SCRN1: variants seen among roughly 807,000 people sequenced by gnomAD.
SCRN1 encodes secernin 1.
In SCRN1, 19 loss-of-function variants were observed where a neutral mutation model predicts 43.3. That is an observed-to-expected ratio of 0.44 (90% CI 0.31 to 0.64). The LOEUF is 0.64. SCRN1 is among the 30% of genes least tolerant of loss of function. The pLI is 0.09. For synonymous variants in SCRN1, 183 were observed against 188.9 expected (o/e 0.97, Z 0.26); for missense variants, 447 against 524.1 (o/e 0.85, Z 1.44).
chr7:29,939,640 C>T (rs1787464474), intron 5 of SCRN1, among the ~76,000 whole-genome samples: 2 of 152,156 alleles, frequency 1.3e-5, no homozygotes, highest in African/African-American at 4.8e-5. Flanking sequence ...TGGCTACAGT[C>T]CAATAAAATT....
In SCRN1 at chr7:29,943,958, A is replaced by G; in HGVS notation, c.544+19T>C. The G allele has an allele frequency of 6.2e-7, 1 of 1,613,188 alleles. No homozygotes were observed. The highest frequency in any genetic ancestry group is 8.5e-7 in the Non-Finnish European group (1 of 1,179,226). On this transcript the variant is annotated intron_variant, in intron 4 of 7. Coordinates refer to ENST00000242059, the MANE Select transcript of SCRN1 (RefSeq NM_014766.5). ...GCCTTCCCTGTCCTCAGAACTCTCC[A>G]TCATCCACACCCACTCACCTGTGAC... is the stretch of plus-strand genomic sequence containing the variant.
At chr7:29,928,172 C>T (rs964588672) in intron 6 of SCRN1, among the ~76,000 whole-genome samples, 3 of 152,108 alleles carry the variant, frequency 2.0e-5, no homozygotes, top group Non-Finnish European at 2.9e-5. Context: ...ATGCCATGAC[C>T]TGAAAAGGAC....
chr7:29,955,139 C>T (rs1251997202), intron 3 of SCRN1, 40 bp downstream of exon 3: 2 of 1,572,214 alleles, frequency 1.3e-6, no homozygotes, highest in African/African-American at 1.4e-5. Context: ...CATTTCCAAC[C>T]TTTTCTAGGA....
At chr7:29,958,655 C>A (rs1022821325) in intron 2 of SCRN1, among the ~76,000 whole-genome samples, 1 of 152,232 alleles carries the variant, frequency 6.6e-6, no homozygotes, top group Non-Finnish European at 1.5e-5. Context: ...AAAGATGGAT[C>A]TTTACAGAGA....
chr7:29,924,714 G>A (rs764446649), intron 7 of SCRN1, among the ~76,000 whole-genome samples: 8 of 151,404 alleles, frequency 5.3e-5, no homozygotes, highest in Non-Finnish European at 1.2e-4. Context: ...AATGTTCATT[G>A]AATGAAAAAA....
intron 6 of SCRN1, among the ~76,000 whole-genome samples, chr7:29,928,045 C>T (rs1358106286): frequency 6.6e-6 from 1 of 152,144 alleles, no homozygotes; most frequent in Admixed American, 6.5e-5. Context: ...GTCGCTGGAA[C>T]CCAGGAGGCA....
intron 2 of SCRN1, among the ~76,000 whole-genome samples, chr7:29,958,838 G>A (rs1386073191): frequency 1.3e-5 from 2 of 152,182 alleles, no homozygotes; most frequent in Admixed American, 6.5e-5. Context: ...GAGCTGGAGT[G>A]TGGGCAAGCA....
At chr7:29,958,667 G>A (rs561099313) in intron 2 of SCRN1, among the ~76,000 whole-genome samples, 14 of 152,214 alleles carry the variant, frequency 9.2e-5, no homozygotes, top group Non-Finnish European at 1.5e-4. Context: ...TTACAGAGAC[G>A]GTGCTGGTCT....
rs1466405324 is a variant in SCRN1, at chr7:29,920,645, C to G, written c.*3312G>C. On this transcript the variant is annotated 3_prime_UTR_variant, in exon 8 of 8. Coordinates refer to ENST00000242059, the MANE Select transcript of SCRN1 (RefSeq NM_014766.5). ...ACCTTCCCCAATAAATGACAGATGG[C>G]TCTTCAGTCAGGAATGCAGTTAGTG... The G allele has an allele frequency of 6.6e-6, 1 of 152,246 alleles. No individual in the cohort carries two copies. Among genetic ancestry groups the G allele is most frequent in the Non-Finnish European group, 1.5e-5 (1 of 68,076 alleles). The allele number at this position is 152,246 out of a possible 1,614,324, so 9.4% of individuals were successfully genotyped here.
chr7:29,975,285 G>C (rs1259303970), intron 1 of SCRN1, among the ~76,000 whole-genome samples: 1 of 152,180 alleles, frequency 6.6e-6, no homozygotes, highest in Admixed American at 6.5e-5. Flanking sequence ...TCAGTGAACA[G>C]AGTTTGTCCA....
intron 1 of SCRN1, among the ~76,000 whole-genome samples, chr7:29,981,560 G>C (rs753625809): frequency 9.2e-5 from 14 of 152,192 alleles, no homozygotes; most frequent in Non-Finnish European, 1.9e-4. Context: ...AAGAGATCAT[G>C]AACCATCTCA....
intron 1 of SCRN1, among the ~76,000 whole-genome samples, chr7:29,986,470 T>C (rs118159101): frequency 6.6e-6 from 1 of 152,214 alleles, no homozygotes; most frequent in African/African-American, 2.4e-5. Context: ...CATATCTCAA[T>C]ACAAACTAGC....
At chr7:29,939,362 A>G (rs1787454974) in intron 5 of SCRN1, among the ~76,000 whole-genome samples, 1 of 152,130 alleles carries the variant, frequency 6.6e-6, no homozygotes, top group Non-Finnish European at 1.5e-5. Context: ...ATAGGCCCAC[A>G]TCACCACATC....
intron 1 of SCRN1, among the ~76,000 whole-genome samples, chr7:29,977,762 C>T (rs1192828464): frequency 2.0e-5 from 3 of 152,152 alleles, no homozygotes; most frequent in African/African-American, 7.2e-5. Flanking sequence ...AAATCTCAGC[C>T]CTGTCACTTC....
chr7:29,942,771 C>G (rs953865829), intron 4 of SCRN1, among the ~76,000 whole-genome samples: 5 of 152,112 alleles, frequency 3.3e-5, no homozygotes, highest in African/African-American at 4.8e-5. Flanking sequence ...CCATTCTACA[C>G]CCTTTTGAGA....
At chr7:29,947,635 T>C (rs1787777573) in intron 3 of SCRN1, among the ~76,000 whole-genome samples, 1 of 152,142 alleles carries the variant, frequency 6.6e-6, no homozygotes, top group Non-Finnish European at 1.5e-5. Context: ...CTTTTGGAAA[T>C]TGGAAATTCC....
At chr7:29,927,121 A>G (rs991015465) in intron 6 of SCRN1, among the ~76,000 whole-genome samples, 1 of 152,014 alleles carries the variant, frequency 6.6e-6, no homozygotes, top group Non-Finnish European at 1.5e-5. Flanking sequence ...TATCTCTGAC[A>G]GACCCAAGGA....
intron 2 of SCRN1, among the ~76,000 whole-genome samples, chr7:29,958,070 C>T (rs1788193359): frequency 6.6e-6 from 1 of 152,164 alleles, no homozygotes; most frequent in South Asian, 2.1e-4. Context: ...GCCAGATGGG[C>T]CCAATCAGCC....
rs373897344 is a variant in SCRN1 at position 29,922,367 on chromosome 7, T to C, written c.*1590A>G. 2 of 152,192 alleles carry C rather than the reference T, an allele frequency of 1.3e-5. No homozygotes were observed. The highest frequency in any genetic ancestry group is 4.1e-4 in the South Asian group (2 of 4,832). 9.4% of individuals were successfully genotyped at this position (152,192 alleles called of 1,614,324 possible). On this transcript the variant is annotated 3_prime_UTR_variant, in exon 8 of 8. Coordinates refer to ENST00000242059, the MANE Select transcript of SCRN1 (RefSeq NM_014766.5). ...CTCTGATCCTCACTGTTCACATCCA[T>C]GTAACAGGGCTCGGTCCCCTCAAAA...
Sources: gnomAD v4.1 joint callset for allele counts (sites outside exome capture counted in the v4.1 genomes callset) on GRCh38, gnomAD v4.1.1 for gene constraint, MANE v1.5 for transcripts, NCBI Gene and HGNC (gene_info 2026-07-23, HGNC 2026-07-21) for gene names.